Variants in TPD52 observed in about 807,000 individuals in gnomAD.
The protein encoded by TPD52 is prostate and colon associated protein.
TPD52 carries 17 observed loss-of-function variants against 31.3 expected under a neutral mutation model. That is an observed-to-expected ratio of 0.54 (90% CI 0.37 to 0.82). The LOEUF (loss-of-function observed/expected upper bound fraction) is 0.82. Ranked by LOEUF, TPD52 falls within the 40% of genes least tolerant of loss-of-function variation. The pLI is 0.00. For synonymous variants in TPD52, 83 were observed against 89.6 expected (o/e 0.93, Z 0.42); for missense variants, 212 against 240.1 (o/e 0.88, Z 0.77).
chr8:80,146,151 T>C lies in TPD52; in HGVS notation c.19+25274A>G, dbSNP rs73269666. On this transcript the variant is annotated intron_variant, in intron 1 of 7. Coordinates refer to ENST00000518937, the MANE Select transcript of TPD52 (RefSeq NM_001025253.3). Reference sequence around the variant, plus strand: ...AAGGCAGAGGGGACAAAGAATGCTGTATTTGGCTATACATACACGGAATCT... The same window carrying C: ...AAGGCAGAGGGGACAAAGAATGCTGCATTTGGCTATACATACACGGAATCT... Among the ~76,000 whole-genome samples the C allele has an allele frequency of 2.4e-3, 369 of 152,304 alleles. 3 individuals carry two copies. Among genetic ancestry groups the C allele is most frequent in the African/African-American group, 8.6e-3 (357 of 41,554 alleles).
chr8:80,144,294 C>A (rs1212672637), intron 1 of TPD52, among the ~76,000 whole-genome samples: 1 of 152,014 alleles, frequency 6.6e-6, no homozygotes, highest in African/African-American at 2.4e-5. Flanking sequence ...TAGGATTTTG[C>A]AATTAGAAGC....
intron 1 of TPD52, 103 bp from the exon 2 acceptor site, chr8:80,064,696 T>C: frequency 2.5e-6 from 2 of 793,436 alleles, no homozygotes; most frequent in Admixed American, 3.8e-5. Context: ...TTAGAGTAGA[T>C]CCACACATCT....
At chr8:80,086,977 G>T (rs1204971580) in intron 1 of TPD52, among the ~76,000 whole-genome samples, 1 of 150,044 alleles carries the variant, frequency 6.7e-6, no homozygotes, top group East Asian at 2.0e-4. Flanking sequence ...AATATATACT[G>T]AAGTATTTAG....
intron 2 of TPD52, among the ~76,000 whole-genome samples, chr8:80,054,744 G>GA (rs34889193): frequency 0.11 from 16,202 of 144,578 alleles, 2,238 homozygotes; most frequent in African/African-American, 0.33. Flanking sequence ...CAGCTGCCAA[G>GA]AAAAAAAAAA....
At chr8:80,134,111 CAATT>C (rs1326696369) in intron 1 of TPD52, among the ~76,000 whole-genome samples, 2 of 152,184 alleles carry the variant, frequency 1.3e-5, no homozygotes, top group Admixed American at 6.5e-5. Flanking sequence ...TTTCATTTAT[CAATT>C]AATTTTCTTT....
downstream of TPD52, among the ~76,000 whole-genome samples, chr8:80,034,189 C>T (rs1301195983): frequency 6.6e-6 from 1 of 152,090 alleles, no homozygotes; most frequent in Non-Finnish European, 1.5e-5. Context: ...TGTGACAGCA[C>T]CCAAGCTCAG....
chr8:80,045,410 A>T (rs897914727), intron 5 of TPD52, among the ~76,000 whole-genome samples: 2 of 152,334 alleles, frequency 1.3e-5, no homozygotes, highest in Middle Eastern at 3.4e-3. Flanking sequence ...CACCACTGCT[A>T]ACCTCCCAGT....
chr8:80,157,191 T>G (rs1811032173), intron 1 of TPD52, among the ~76,000 whole-genome samples: 2 of 151,892 alleles, frequency 1.3e-5, no homozygotes, highest in South Asian at 4.2e-4. Flanking sequence ...GAGAATGTCA[T>G]CTGCAGTGAC....
At chr8:80,109,394 G>C (rs1392381932) in intron 1 of TPD52, among the ~76,000 whole-genome samples, 2 of 152,112 alleles carry the variant, frequency 1.3e-5, no homozygotes, top group Non-Finnish European at 2.9e-5. Flanking sequence ...AATCAAATTA[G>C]TCTTACACTG....
chr8:80,070,651 C>A (rs1261115553), intron 1 of TPD52, among the ~76,000 whole-genome samples: 3 of 152,210 alleles, frequency 2.0e-5, no homozygotes, highest in African/African-American at 7.2e-5. Flanking sequence ...TCCTAACAGG[C>A]CACAGATGGG....
At chr8:80,146,963 C>T (rs1437112109) in intron 1 of TPD52, among the ~76,000 whole-genome samples, 1 of 152,198 alleles carries the variant, frequency 6.6e-6, no homozygotes, top group Non-Finnish European at 1.5e-5. Flanking sequence ...GCTAAAAATG[C>T]AAATTCTCAG....
At chr8:80,086,449 G>A (rs777575756) in intron 1 of TPD52, among the ~76,000 whole-genome samples, 1 of 151,916 alleles carries the variant, frequency 6.6e-6, no homozygotes, top group African/African-American at 2.4e-5. Flanking sequence ...AGGAGGGGCT[G>A]CATTCTTCAA....
chr8:80,089,713 G>A (rs1260622267), intron 1 of TPD52, among the ~76,000 whole-genome samples: 1 of 152,192 alleles, frequency 6.6e-6, no homozygotes, highest in Non-Finnish European at 1.5e-5. Context: ...CTATGTGCCA[G>A]ACATTCTTCT....
At chr8:80,033,271 C>T (rs541202193), downstream of TPD52, 1 of 140,494 alleles carries the variant, frequency 7.1e-6, no homozygotes, top group African/African-American at 2.6e-5. Context: ...GGGCTCAACT[C>T]TTCTCGTTGC....
intron 2 of TPD52, among the ~76,000 whole-genome samples, chr8:80,063,252 A>G (rs1004376549): frequency 6.6e-6 from 1 of 152,254 alleles, no homozygotes; most frequent in Admixed American, 6.5e-5. Context: ...GTGCTACACC[A>G]TGAATCAACC....
chr8:80,052,144 T>C (rs1811443924), intron 3 of TPD52, among the ~76,000 whole-genome samples: 1 of 152,244 alleles, frequency 6.6e-6, no homozygotes, highest in African/African-American at 2.4e-5. Flanking sequence ...TTTTTGCATG[T>C]CTTTAGAGAG....
chr8:80,125,123 A>T (rs1485784995), intron 1 of TPD52, among the ~76,000 whole-genome samples: 1 of 152,220 alleles, frequency 6.6e-6, no homozygotes, highest in Non-Finnish European at 1.5e-5. Context: ...AGATTCAAGA[A>T]AGAGGGAGCC....
rs557788044 is a variant in TPD52, at chr8:80,042,171, A to C, written c.504+449T>G. On this transcript the variant is annotated intron_variant, in intron 7 of 7. Transcript: ENST00000518937. The stretch of plus-strand genomic sequence containing the variant: ...TTACTGATACAGGAAAATGATTATG[A>C]TGTATGGCTACTTCTTTTTTAAAGC... 3.0e-6 allele frequency: 3 copies of C among 985,010 alleles called. No homozygotes were observed. The East Asian group carries it at 3.4e-4, about 112-fold the overall frequency. The allele number at this position is 985,010 out of a possible 1,614,324, so 61.0% of individuals were successfully genotyped here. A position where few individuals can be genotyped will look rare whatever the true frequency, so the allele number is the denominator to read the frequency against.
chr8:80,038,467 C>T (rs1456801600), intron 7 of TPD52, among the ~76,000 whole-genome samples: 1 of 152,040 alleles, frequency 6.6e-6, no homozygotes, highest in Admixed American at 6.5e-5. Context: ...TCTACCCCTT[C>T]CCCTTTCCCC....
Sources: allele counts gnomAD v4.1 joint callset (sites outside exome capture counted in the v4.1 genomes callset), GRCh38; gene constraint gnomAD v4.1.1; transcripts MANE v1.5; gene names NCBI Gene and HGNC (gene_info 2026-07-23, HGNC 2026-07-21).